Variants in WDR27 observed in about 807,000 individuals in gnomAD.
WDR27 encodes WD repeat-containing protein 27.
A neutral mutation model predicts 114.4 loss-of-function variants in WDR27; 100 were observed. The observed-to-expected ratio is 0.87, with a 90% CI of 0.74 to 1.03. The LOEUF (loss-of-function observed/expected upper bound fraction) is 1.03, where lower values mean the gene tolerates loss of function less well. WDR27 is among the 50% of genes least tolerant of loss of function. The probability of loss-of-function intolerance (pLI) is 0.00; values close to 1 mark genes in which losing one functional copy is unlikely to be tolerated. For synonymous variants in WDR27, 449 were observed against 423.1 expected (o/e 1.06, Z -0.75); for missense variants, 1,129 against 1,092.9 (o/e 1.03, Z -0.47).
At chr6:169,662,117 G>A (rs1024420164) in intron 9 of WDR27, among the ~76,000 whole-genome samples, 187 bp downstream of exon 9, 7 of 152,266 alleles carry the variant, frequency 4.6e-5, no homozygotes, top group Admixed American at 6.5e-5. Flanking sequence ...AGACACTTAC[G>A]TATCATTGCC....
At chr6:169,560,092 G>C (rs1799474815) in intron 25 of WDR27, among the ~76,000 whole-genome samples, 1 of 152,100 alleles carries the variant, frequency 6.6e-6, no homozygotes, top group Non-Finnish European at 1.5e-5. Context: ...ATCTCCACTT[G>C]AATCGTATCT....
intron 2 of WDR27, among the ~76,000 whole-genome samples, chr6:169,683,135 G>A (rs1485977716): frequency 6.6e-6 from 1 of 152,172 alleles, no homozygotes; most frequent in African/African-American, 2.4e-5. Flanking sequence ...CGAAGTGGTA[G>A]AAGGTTATTC....
chr6:169,657,957 T>G, intron 13 of WDR27: 1 of 223,922 alleles, frequency 4.5e-6, no homozygotes, highest in African/African-American at 2.2e-5. Context: ...GGGAAAAAAA[T>G]GTTCTCACAA....
chr6:169,525,306 ACAGG>A (rs1336739945), intron 25 of WDR27, among the ~76,000 whole-genome samples: 3 of 151,974 alleles, frequency 2.0e-5, no homozygotes, highest in African/African-American at 7.2e-5. Context: ...GGAGGCCAAG[ACAGG>A]CGGATTGTGA....
intron 25 of WDR27, among the ~76,000 whole-genome samples, chr6:169,468,320 T>C (rs753760529): frequency 5.9e-5 from 9 of 152,218 alleles, no homozygotes; most frequent in Non-Finnish European, 1.3e-4. Context: ...AGTTTCAAAG[T>C]TGCTGTAAAG....
At chr6:169,495,201 A>C (rs1790244728) in intron 25 of WDR27, among the ~76,000 whole-genome samples, 1 of 152,196 alleles carries the variant, frequency 6.6e-6, no homozygotes, top group African/African-American at 2.4e-5. Context: ...GGATACATAG[A>C]TAAATGGATG....
At position 169,633,010 on chromosome 6, in the gene WDR27, G is replaced by A. The variant is rs766783296; in HGVS notation, c.2160C>T (p.Gly720=). The change falls in exon 21 of 26, where the codon GGC becomes GGT. Residue 720 remains glycine, a synonymous_variant. Coordinates refer to ENST00000448612, the MANE Select transcript of WDR27 (RefSeq NM_182552.5). ...RTVEVFDLNA[G]CSAAVIAEAH... ...CTTCCGCTATCACCGCTGCACTGCAGCCGGCGTTGAGGTCAAACACTTCCA... is the reference window on the plus strand; with the variant it reads ...CTTCCGCTATCACCGCTGCACTGCAACCGGCGTTGAGGTCAAACACTTCCA... 24 of 1,598,772 alleles carry A rather than the reference G, an allele frequency of 1.5e-5. No homozygotes were observed. The highest frequency in any genetic ancestry group is 5.1e-6 in the Non-Finnish European group (6 of 1,167,678).
chr6:169,544,045 A>G (rs1254634272), intron 25 of WDR27, among the ~76,000 whole-genome samples: 1 of 152,264 alleles, frequency 6.6e-6, no homozygotes, highest in East Asian at 1.9e-4. Flanking sequence ...AGTATTTGGA[A>G]AAGGCAACAC....
At chr6:169,481,466 G>C (rs937837809) in intron 25 of WDR27, among the ~76,000 whole-genome samples, 1 of 152,230 alleles carries the variant, frequency 6.6e-6, no homozygotes, top group Non-Finnish European at 1.5e-5. Context: ...CTTCCACGCT[G>C]TGGAAACCTT....
intron 1 of WDR27, among the ~76,000 whole-genome samples, chr6:169,693,602 T>A (rs1585210615): frequency 6.6e-6 from 1 of 151,676 alleles, no homozygotes; most frequent in African/African-American, 2.4e-5. Context: ...ATGTAACACA[T>A]AAGAACTCAC....
intron 24 of WDR27, among the ~76,000 whole-genome samples, chr6:169,582,139 C>A (rs1803566521): frequency 1.3e-5 from 2 of 152,076 alleles, no homozygotes; most frequent in African/African-American, 2.4e-5. Context: ...ATGGTCGGCT[C>A]ATTTTTGTAT....
chr6:169,590,253 C>T (rs368228392), intron 23 of WDR27, among the ~76,000 whole-genome samples: 5 of 152,134 alleles, frequency 3.3e-5, no homozygotes, highest in Admixed American at 6.5e-5. Flanking sequence ...AGAAAGGAGA[C>T]AAAGAATTAC....
chr6:169,698,898 A>C (rs988119622), intron 1 of WDR27, among the ~76,000 whole-genome samples: 1 of 152,228 alleles, frequency 6.6e-6, no homozygotes, highest in Non-Finnish European at 1.5e-5. Context: ...CATGAAGCTG[A>C]GGTCACTTCT....
chr6:169,667,202 A>T lies in WDR27; in HGVS notation c.661-15T>A, dbSNP rs748380999. The stretch of plus-strand genomic sequence containing the variant: ...TGGTCCCAGACCTTTGGATAAACAC[A>T]GGATTCTTTAGAAGAGGTAACAACG... On this transcript the variant is annotated splice_polypyrimidine_tract_variant and intron_variant, in intron 5 of 25. Transcript: ENST00000448612. 1.3e-6 allele frequency: 2 copies of T among 1,503,938 alleles called. No homozygotes were observed. Among genetic ancestry groups the T allele is most frequent in the Non-Finnish European group, 1.8e-6 (2 of 1,128,814 alleles). The allele number at this position is 1,503,938 out of a possible 1,614,324, so 93.2% of individuals were successfully genotyped here. A position where few individuals can be genotyped will look rare whatever the true frequency, so the allele number is the denominator to read the frequency against.
chr6:169,643,160 A>C (rs989946924), intron 17 of WDR27, among the ~76,000 whole-genome samples: 3 of 152,188 alleles, frequency 2.0e-5, no homozygotes, highest in Admixed American at 2.0e-4. Context: ...GTAAGTTCTA[A>C]AGCAAGCCAT....
chr6:169,664,000 C>T lies in WDR27; in HGVS notation c.904+166G>A, dbSNP rs73790088. Among the ~76,000 whole-genome samples, 1,178 of 152,340 alleles carry T rather than the reference C, an allele frequency of 7.7e-3. 21 individuals carry two copies. Among genetic ancestry groups the T allele is most frequent in the African/African-American group, 0.027 (1,133 of 41,582 alleles). On this transcript the variant is annotated intron_variant, in intron 8 of 25. Coordinates refer to ENST00000448612, the MANE Select transcript of WDR27 (RefSeq NM_182552.5). The stretch of plus-strand genomic sequence containing the variant: ...GTGCCTCCATCTGCTGATGGCCCAC[C>T]CCTCACATGACCTGCAGGGCCTCAG...
chr6:169,604,571 A>G (rs765737039), intron 22 of WDR27, among the ~76,000 whole-genome samples: 9 of 152,194 alleles, frequency 5.9e-5, no homozygotes, highest in Non-Finnish European at 1.3e-4. Flanking sequence ...AATGTCAAGA[A>G]GAAGGGAATG....
At chr6:169,613,059 A>G (rs909660929) in intron 22 of WDR27, among the ~76,000 whole-genome samples, 4 of 152,256 alleles carry the variant, frequency 2.6e-5, no homozygotes, top group Non-Finnish European at 4.4e-5. Context: ...GTATTTTCAA[A>G]GTCTACAAAG....
At chr6:169,664,075 T>G in intron 8 of WDR27, 91 bp downstream of exon 8, 2 of 1,215,170 alleles carry the variant, frequency 1.6e-6, no homozygotes, top group Non-Finnish European at 2.3e-6. Flanking sequence ...GGGATCTCTC[T>G]CTCCCCTGTG....
Sources: allele counts gnomAD v4.1 joint callset (sites outside exome capture counted in the v4.1 genomes callset), GRCh38; gene constraint gnomAD v4.1.1; transcripts MANE v1.5; gene names NCBI Gene and HGNC (gene_info 2026-07-23, HGNC 2026-07-21).